The following MEGF11 variants were observed in gnomAD, a reference collection of about 807,000 sequenced individuals.
MEGF11 encodes the protein multiple epidermal growth factor-like domains protein 11.
A neutral mutation model predicts 146.6 loss-of-function variants in MEGF11; 126 were observed. The ratio of observed to expected loss-of-function variants is 0.86; its 90% CI spans 0.74 to 1.00. The LOEUF (loss-of-function observed/expected upper bound fraction) is 1.00, where lower values mean the gene tolerates loss of function less well. MEGF11 is among the 50% of genes least tolerant of loss of function. The pLI is 0.00. For synonymous variants in MEGF11, 532 were observed against 583.4 expected (o/e 0.91, Z 1.27); for missense variants, 1,509 against 1,521.2 (o/e 0.99, Z 0.13).
At chr15:66,071,932 A>G (rs2085384907) in intron 5 of MEGF11, among the ~76,000 whole-genome samples, 1 of 152,204 alleles carries the variant, frequency 6.6e-6, no homozygotes, top group Admixed American at 6.5e-5. Context: ...GGAATAAATG[A>G]GCACCACTGG....
intron 24 of MEGF11, among the ~76,000 whole-genome samples, chr15:65,902,698 A>AGCCTGG (rs2078524571): frequency 6.6e-6 from 1 of 151,922 alleles, no homozygotes; most frequent in Admixed American, 6.6e-5. Flanking sequence ...TCTGGGAGTC[A>AGCCTGG]CTCCTCCAAG....
At chr15:65,996,220 C>T (rs2082193207) in intron 5 of MEGF11, among the ~76,000 whole-genome samples, 1 of 152,150 alleles carries the variant, frequency 6.6e-6, no homozygotes, top group Admixed American at 6.5e-5. Flanking sequence ...CTCAGAGTCA[C>T]CTGGGGAAAT....
intron 4 of MEGF11, among the ~76,000 whole-genome samples, chr15:66,112,579 C>T (rs1167069704): frequency 1.3e-5 from 2 of 152,146 alleles, no homozygotes; most frequent in Non-Finnish European, 2.9e-5. Flanking sequence ...GTGTGGTTGG[C>T]AATTTTCCAG....
chr15:66,098,454 G>T (rs2086644832), intron 4 of MEGF11, among the ~76,000 whole-genome samples: 1 of 152,156 alleles, frequency 6.6e-6, no homozygotes, highest in East Asian at 1.9e-4. Context: ...CTAGTTAATG[G>T]AACTATAAAA....
At chr15:66,199,224 A>T (rs1409827152) in intron 1 of MEGF11, among the ~76,000 whole-genome samples, 2 of 152,230 alleles carry the variant, frequency 1.3e-5, no homozygotes, top group Non-Finnish European at 1.5e-5. Flanking sequence ...TAAGTAGTAC[A>T]TATATACTTC....
At chr15:66,074,860 T>C (rs62011776) in intron 5 of MEGF11, among the ~76,000 whole-genome samples, 15,675 of 152,202 alleles carry the variant, frequency 0.1, 950 homozygotes, top group Middle Eastern at 0.16. Flanking sequence ...TTGGGGGTCA[T>C]AGGGTGGCAT....
At chr15:66,217,944 T>A (rs540522496) in intron 1 of MEGF11, among the ~76,000 whole-genome samples, 4 of 152,162 alleles carry the variant, frequency 2.6e-5, no homozygotes, top group Non-Finnish European at 4.4e-5. Flanking sequence ...CTCTGTTATT[T>A]TGTGGGAAAT....
chr15:66,141,287 T>TGAGAGA lies in MEGF11; in HGVS notation c.-8-12877_-8-12876insTCTCTC, dbSNP rs1339943663. Among the ~76,000 whole-genome samples the TGAGAGA allele has an allele frequency of 8.0e-3, 789 of 98,826 alleles. 2 individuals are homozygous for TGAGAGA. Among genetic ancestry groups the TGAGAGA allele is most frequent in the Non-Finnish European group, 0.011 (529 of 49,968 alleles). 64.8% of individuals were successfully genotyped at this position (98,826 alleles called of 152,430 possible). ...GTGTGTGTGTGTGTGTGTGTGTGTG[T>TGAGAGA]GTGAGAGAGAGAGAGAGAGAGACAG... On this transcript the variant is annotated intron_variant, in intron 1 of 25. Transcript: ENST00000395614.
chr15:66,052,896 A>G (rs1204925306), intron 5 of MEGF11, among the ~76,000 whole-genome samples: 2 of 152,216 alleles, frequency 1.3e-5, no homozygotes, highest in East Asian at 1.9e-4. Context: ...CGAATTGGGC[A>G]TCAGTATTTT....
chr15:66,197,275 T>A (rs184645759), intron 1 of MEGF11, among the ~76,000 whole-genome samples: 2 of 152,262 alleles, frequency 1.3e-5, no homozygotes, highest in African/African-American at 2.4e-5. Context: ...GGGCAAGATC[T>A]CTGATTCATC....
chr15:65,900,877 T>C (rs1332258973), intron 24 of MEGF11, among the ~76,000 whole-genome samples: 2 of 152,204 alleles, frequency 1.3e-5, no homozygotes, highest in African/African-American at 4.8e-5. Flanking sequence ...CGATCTCAGC[T>C]AGCACCAGCA....
chr15:66,197,462 G>A (rs1366487494), intron 1 of MEGF11, among the ~76,000 whole-genome samples: 8 of 151,978 alleles, frequency 5.3e-5, no homozygotes, highest in South Asian at 4.2e-4. Context: ...TCGCTCTATC[G>A]CCCAGGCTGG....
chr15:66,141,279 TGTGTGTGTGTGA>T lies in MEGF11; in HGVS notation c.-8-12880_-8-12869del, dbSNP rs1215094377. On this transcript the variant is annotated intron_variant, in intron 1 of 25. Coordinates refer to ENST00000395614, the MANE Select transcript of MEGF11 (RefSeq NM_001385028.1). ...GTGTGTGTGTGTGTGTGTGTGTGTG[TGTGTGTGTGTGA>T]GAGAGAGAGAGAGAGAGACAGGGAT... 2.0e-3 allele frequency among the ~76,000 whole-genome samples: 234 copies of T among 118,912 alleles called. 3 individuals carry two copies. The highest frequency in any genetic ancestry group is 5.9e-3 in the African/African-American group (200 of 33,872). The allele number at this position is 118,912 out of a possible 152,430, so 78.0% of individuals were successfully genotyped here.
intron 5 of MEGF11, among the ~76,000 whole-genome samples, chr15:66,019,314 A>G (rs2083014599): frequency 6.6e-6 from 1 of 150,776 alleles, no homozygotes; most frequent in Admixed American, 6.6e-5. Flanking sequence ...TTACTTGGGG[A>G]AAAAAACCTT....
Position 66,197,447 on chromosome 15 carries a change from G to A in MEGF11, c.-9+56158C>T, listed in dbSNP as rs138753926. Among the ~76,000 whole-genome samples, 1,244 of 152,078 alleles carry A rather than the reference G, an allele frequency of 8.2e-3. 12 individuals are homozygous for A. The highest frequency in any genetic ancestry group is 0.014 in the Non-Finnish European group (968 of 67,960). Reference sequence around the variant, plus strand: ...TTTTTGTTTTTTGTTTTTTTGAGACGAGTCTCGCTCTATCGCCCAGGCTGG... The same window carrying A: ...TTTTTGTTTTTTGTTTTTTTGAGACAAGTCTCGCTCTATCGCCCAGGCTGG... On this transcript the variant is annotated intron_variant, in intron 1 of 25. Transcript: ENST00000395614.
chr15:65,941,870 A>G (rs936968909), intron 10 of MEGF11, among the ~76,000 whole-genome samples: 29 of 152,218 alleles, frequency 1.9e-4, no homozygotes, highest in African/African-American at 6.8e-4. Flanking sequence ...ACCCCTCCAG[A>G]CAGGGCTGGC....
chr15:66,156,504 G>T (rs1165358666), intron 1 of MEGF11, among the ~76,000 whole-genome samples: 1 of 152,026 alleles, frequency 6.6e-6, no homozygotes, highest in Non-Finnish European at 1.5e-5. Flanking sequence ...TGGGGATCCA[G>T]TGGTGGCCCT....
At chr15:66,141,070 A>G (rs1332603484) in intron 1 of MEGF11, among the ~76,000 whole-genome samples, 1 of 152,144 alleles carries the variant, frequency 6.6e-6, no homozygotes, top group Non-Finnish European at 1.5e-5. Context: ...GCCTTGGTAC[A>G]TGGCCAGTTT....
chr15:66,201,754 T>C (rs1456710797), intron 1 of MEGF11, among the ~76,000 whole-genome samples: 2 of 124,856 alleles, frequency 1.6e-5, no homozygotes, highest in Non-Finnish European at 3.3e-5. Context: ...GCCAATATGG[T>C]GAAACCCTGT....
Sources: allele counts gnomAD v4.1 joint callset (sites outside exome capture counted in the v4.1 genomes callset), GRCh38; gene constraint gnomAD v4.1.1; transcripts MANE v1.5; gene names NCBI Gene and HGNC (gene_info 2026-07-23, HGNC 2026-07-21).